The following AP1S3 variants were observed in gnomAD, a reference collection of about 807,000 sequenced individuals.
The protein encoded by AP1S3 is adaptor related protein complex 1 subunit sigma 3.
AP1S3 carries 10 observed loss-of-function variants against 20.9 expected under a neutral mutation model. The observed-to-expected ratio is 0.48, with a 90% confidence interval of 0.29 to 0.81. The LOEUF (loss-of-function observed/expected upper bound fraction) is 0.81. Ranked by LOEUF, AP1S3 falls within the 30% of genes least tolerant of loss-of-function variation. AP1S3 has a pLI of 0.08. For missense variants in AP1S3, 154 were observed against 183.8 expected (o/e 0.84, Z 0.94); for synonymous variants, 41 against 61.5 (o/e 0.67, Z 1.56).
chr2:223,770,975 C>T (rs927491518), intron 3 of AP1S3, among the ~76,000 whole-genome samples: 3 of 149,634 alleles, frequency 2.0e-5, no homozygotes, highest in African/African-American at 7.3e-5. Flanking sequence ...CTTAAGTGAT[C>T]CCCCCCACCT....
chr2:223,769,018 C>G (rs1166786794), intron 3 of AP1S3, among the ~76,000 whole-genome samples: 1 of 152,084 alleles, frequency 6.6e-6, no homozygotes, highest in East Asian at 1.9e-4. Context: ...GGTCAATAAA[C>G]TAGCAAACTT....
In AP1S3 at chr2:223,775,846, G is replaced by GT. The variant is rs1690770537; in HGVS notation, c.291+54dup. 44 of 1,347,310 alleles carry GT rather than the reference G, an allele frequency of 3.3e-5. No homozygotes were observed. The South Asian group carries it at 5.3e-4, about 16-fold the overall frequency. The allele number at this position is 1,347,310 out of a possible 1,614,324, so 83.5% of individuals were successfully genotyped here. ...GGATGTGACCAGAGACAGAACTGAAGTAAGAGCTGAGATGGGGACTGTAGC... is the reference window on the plus strand; with the variant it reads ...GGATGTGACCAGAGACAGAACTGAAGTTAAGAGCTGAGATGGGGACTGTAGC... On this transcript the variant is annotated intron_variant, in intron 3 of 4. Coordinates refer to ENST00000396654, the MANE Select transcript of AP1S3 (RefSeq NM_001039569.2).
chr2:223,786,322 G>A (rs1354023301), intron 1 of AP1S3, among the ~76,000 whole-genome samples: 1 of 152,132 alleles, frequency 6.6e-6, no homozygotes, highest in Non-Finnish European at 1.5e-5. Flanking sequence ...ATTTCATTCT[G>A]GCAATAAACT....
At chr2:223,807,271 A>C (rs1291658359) in intron 1 of AP1S3, among the ~76,000 whole-genome samples, 1 of 152,166 alleles carries the variant, frequency 6.6e-6, no homozygotes, top group Non-Finnish European at 1.5e-5. Context: ...TGTCTCAAAA[A>C]AGAGAGAGAC....
chr2:223,791,568 C>G (rs1465156533), intron 1 of AP1S3, among the ~76,000 whole-genome samples: 6 of 152,176 alleles, frequency 3.9e-5, no homozygotes, highest in Admixed American at 2.0e-4. Context: ...AAAACCACAG[C>G]CAATATCATG....
chr2:223,802,329 G>T (rs1231951154), intron 1 of AP1S3, among the ~76,000 whole-genome samples: 1 of 149,914 alleles, frequency 6.7e-6, no homozygotes, highest in Non-Finnish European at 1.5e-5. Flanking sequence ...TGGAGACAGA[G>T]TCTCACTGTT....
chr2:223,769,401 G>A (rs561293008), intron 3 of AP1S3, among the ~76,000 whole-genome samples: 65 of 152,224 alleles, frequency 4.3e-4, no homozygotes, highest in African/African-American at 1.3e-3. Flanking sequence ...CTAAATTTTC[G>A]GATGAATATT....
At chr2:223,793,431 A>G (rs1479308924) in intron 1 of AP1S3, among the ~76,000 whole-genome samples, 1 of 152,190 alleles carries the variant, frequency 6.6e-6, no homozygotes, top group South Asian at 2.1e-4. Context: ...AGGGACATAG[A>G]TGGAGCTGGA....
Position 223,828,980 on chromosome 2 carries a change from C to T in AP1S3, c.3+8468G>A, listed in dbSNP as rs952998182. Among the ~76,000 whole-genome samples, 8 of 152,268 alleles carry T rather than the reference C, an allele frequency of 5.3e-5. No homozygotes were observed. The East Asian group carries it at 1.4e-3, about 26-fold the overall frequency. On this transcript the variant is annotated intron_variant, in intron 1 of 4. Transcript: ENST00000396654. ...CCTCCCGACTAGCTGGGATTACAGG[C>T]GCCTGCCACTGCACCCAGCTAGTTT... is the stretch of plus-strand genomic sequence containing the variant.
chr2:223,835,691 C>A (rs1692379318), intron 1 of AP1S3, among the ~76,000 whole-genome samples: 1 of 152,136 alleles, frequency 6.6e-6, no homozygotes, highest in Non-Finnish European at 1.5e-5. Context: ...TCCCATTTAG[C>A]AAAAACTGGT....
intron 1 of AP1S3, among the ~76,000 whole-genome samples, chr2:223,819,084 G>A (rs1691924552): frequency 6.6e-6 from 1 of 152,132 alleles, no homozygotes; most frequent in South Asian, 2.1e-4. Flanking sequence ...AATGTGATGT[G>A]ACTGAGGGTG....
chr2:223,826,270 T>G (rs1193546197), intron 1 of AP1S3, among the ~76,000 whole-genome samples: 1 of 151,974 alleles, frequency 6.6e-6, no homozygotes, highest in Non-Finnish European at 1.5e-5. Context: ...TCCAGGAAAT[T>G]TCAGTACGAC....
chr2:223,804,877 G>T (rs1392717096), intron 1 of AP1S3, among the ~76,000 whole-genome samples: 1 of 152,206 alleles, frequency 6.6e-6, no homozygotes, highest in Non-Finnish European at 1.5e-5. Context: ...GAATTTTGCA[G>T]CAGTGTTACA....
At chr2:223,807,248 C>G (rs1024730748) in intron 1 of AP1S3, among the ~76,000 whole-genome samples, 3 of 152,026 alleles carry the variant, frequency 2.0e-5, no homozygotes, top group Non-Finnish European at 2.9e-5. Flanking sequence ...GCCTGGGTGA[C>G]AGAGTAAGAC....
chr2:223,789,522 G>C (rs951253999), intron 1 of AP1S3, among the ~76,000 whole-genome samples: 3 of 151,840 alleles, frequency 2.0e-5, no homozygotes, highest in African/African-American at 7.3e-5. Context: ...TTTAATAGAT[G>C]GAAAATTAAT....
At chr2:223,763,387 T>C (rs1186179836) in intron 4 of AP1S3, among the ~76,000 whole-genome samples, 2 of 152,210 alleles carry the variant, frequency 1.3e-5, no homozygotes, top group African/African-American at 2.4e-5. Context: ...AGGTGTGTCT[T>C]GGCCCCCAAT....
chr2:223,829,691 G>T (rs901460786), intron 1 of AP1S3, among the ~76,000 whole-genome samples: 1 of 151,584 alleles, frequency 6.6e-6, no homozygotes, highest in African/African-American at 2.4e-5. Context: ...TTAAAAATTA[G>T]CTGGGTAAGG....
intron 1 of AP1S3, among the ~76,000 whole-genome samples, chr2:223,808,924 G>A (rs927891094): frequency 5.9e-5 from 9 of 152,190 alleles, no homozygotes; most frequent in Non-Finnish European, 1.2e-4. Flanking sequence ...GAACCCAGGA[G>A]GTTGAGGCTG....
At chr2:223,819,598 TAAAAAA>T (rs61543706) in intron 1 of AP1S3, among the ~76,000 whole-genome samples, 1 of 146,282 alleles carries the variant, frequency 6.8e-6, no homozygotes, top group African/African-American at 2.5e-5. Context: ...ATGCCTTGTG[TAAAAAA>T]AAAAAAAAAT....
Sources: gnomAD v4.1 joint callset for allele counts (sites outside exome capture counted in the v4.1 genomes callset) on GRCh38, gnomAD v4.1.1 for gene constraint, MANE v1.5 for transcripts, NCBI Gene and HGNC (gene_info 2026-07-23, HGNC 2026-07-21) for gene names.